SPOCD1: variants seen among roughly 807,000 people sequenced by gnomAD.
The protein encoded by SPOCD1 is SPOC domain containing 1, also known as SPOC domain-containing protein 1.
In SPOCD1, 64 loss-of-function variants were observed where a neutral mutation model predicts 92.2. That is an observed-to-expected ratio of 0.69 (90% CI 0.57 to 0.86). The LOEUF is 0.86. Among genes scored for constraint, SPOCD1 ranks in the 40% least tolerant of loss-of-function variants. SPOCD1 has a pLI of 0.00. For synonymous variants in SPOCD1, 578 were observed against 619.3 expected (o/e 0.93, Z 0.99); for missense variants, 1,360 against 1,543.1 (o/e 0.88, Z 1.99).
In SPOCD1 at chr1:31,794,254, AG is replaced by A; in HGVS notation, c.2272-20del. On this transcript the variant is annotated intron_variant, in intron 10 of 15. Coordinates refer to ENST00000360482, the MANE Select transcript of SPOCD1 (RefSeq NM_144569.7). Reference sequence around the variant, plus strand: ...GCGGTCCCTGGGAGGCAGAAGACAGAGGGGCAGGCTGAAAACGTGGCTGGGG... The same window carrying A: ...GCGGTCCCTGGGAGGCAGAAGACAGAGGGCAGGCTGAAAACGTGGCTGGGG... The A allele has an allele frequency of 6.3e-7, 1 of 1,593,618 alleles. No homozygotes were observed. Among genetic ancestry groups the A allele is most frequent in the Non-Finnish European group, 8.6e-7 (1 of 1,164,436 alleles).
chr1:31,792,053 C>G (rs1647631879), intron 15 of SPOCD1, 162 bp downstream of exon 15: 1 of 734,562 alleles, frequency 1.4e-6, no homozygotes, highest in Admixed American at 2.9e-5. Flanking sequence ...TTCATGATAT[C>G]CAAGCGTGAG....
chr1:31,796,107 G>T (rs776557044), intron 10 of SPOCD1: 171 of 246,984 alleles, frequency 6.9e-4, no homozygotes, highest in Non-Finnish European at 1.2e-3. Flanking sequence ...ACTCCCGTTG[G>T]CTTCCCAGGT....
In SPOCD1 at chr1:31,790,882, A is replaced by G; in HGVS notation, c.3372T>C (p.Tyr1124=). 1 of 1,581,948 alleles carries G rather than the reference A, an allele frequency of 6.3e-7. No individual in the cohort carries two copies. Among genetic ancestry groups the G allele is most frequent in the Non-Finnish European group, 8.6e-7 (1 of 1,164,480 alleles). The change falls in exon 16 of 16, where the codon TAT becomes TAC. Residue 1124 remains tyrosine, a synonymous_variant. Coordinates refer to ENST00000360482, the MANE Select transcript of SPOCD1 (RefSeq NM_144569.7). ...AGCCATGACCAGCTGGTGCTACTGA[A>G]TAGGGATGCTGGGACTGGCGCAAGC... ...EPGLRQSQHP[Y]SVAPAGHGFG... is the part of the protein sequence containing the mutation.
Position 31,792,261 on chromosome 1 carries a change from A to G in SPOCD1, c.2916T>C (p.Pro972=), listed in dbSNP as rs910137441. ...EHMGMVLLPL[P]AFQPLPTRLR... is the part of the protein sequence containing the mutation. Reference sequence around the variant, plus strand: ...GCCTGGTGGGCAGGGGCTGGAAGGCAGGCAGGGGCAGCAGGACCATCCCCA... The same window carrying G: ...GCCTGGTGGGCAGGGGCTGGAAGGCGGGCAGGGGCAGCAGGACCATCCCCA... Residue 972 remains proline (P), a synonymous_variant, in exon 15 of 16, where the codon CCT becomes CCC. Coordinates refer to ENST00000360482, the MANE Select transcript of SPOCD1 (RefSeq NM_144569.7). The G allele has an allele frequency of 6.2e-7, 1 of 1,612,688 alleles. No individual in the cohort carries two copies. The highest frequency in any genetic ancestry group is 1.7e-5 in the Admixed American group (1 of 59,826).
chr1:31,799,519 T>C, intron 6 of SPOCD1, 34 bp from the exon 7 acceptor site: 2 of 1,572,826 alleles, frequency 1.3e-6, no homozygotes, highest in Non-Finnish European at 1.7e-6. Flanking sequence ...CTCCCAGGGG[T>C]GCCCAGGGGA....
chr1:31,801,704 T>C lies in SPOCD1; in HGVS notation c.1385A>G (p.Glu462Gly), dbSNP rs1464548448. 6 of 1,613,470 alleles carry C rather than the reference T, an allele frequency of 3.7e-6. No individual in the cohort carries two copies. Among genetic ancestry groups the C allele is most frequent in the Non-Finnish European group, 5.1e-6 (6 of 1,179,638 alleles). ...CACTCCATGGGGTATTTTCACTTCC[T>C]CCTTGGAGAGAAAGAGGATGCAGAG... ...EPSPGGCPRL[E>G]EVKIPHGVKL... is the part of the protein sequence containing the mutation. The change falls in exon 3 of 16, where the codon GAG becomes GGG. Residue 462 changes from glutamate to glycine, a missense_variant and splice_region_variant. Glu to Gly is a moderately conservative substitution (Grantham distance 98). Coordinates refer to ENST00000360482, the MANE Select transcript of SPOCD1 (RefSeq NM_144569.7).
Position 31,796,665 on chromosome 1 carries a change from G to A in SPOCD1, c.2196C>T (p.Ala732=). The A allele has an allele frequency of 6.2e-7, 1 of 1,614,244 alleles. No individual in the cohort carries two copies. The highest frequency in any genetic ancestry group is 8.5e-7 in the Non-Finnish European group (1 of 1,180,054). ...QQQKEPCRLP[A]SKMTHKGEVE... is the part of the protein sequence containing the mutation. ...CTTCGCCCTTGTGGGTCATTTTGGA[G>A]GCTGGAAGTCTGCACGGCTCCTTCT... Residue 732 remains alanine (A), a synonymous_variant, in exon 10 of 16, where the codon GCC becomes GCT. Coordinates refer to ENST00000360482, the MANE Select transcript of SPOCD1 (RefSeq NM_144569.7).
intron 14 of SPOCD1, 119 bp downstream of exon 14, chr1:31,792,559 C>T (rs1465903935): frequency 2.7e-6 from 3 of 1,125,648 alleles, no homozygotes; most frequent in African/African-American, 3.1e-5. Flanking sequence ...CACAGTGAGT[C>T]TGCAGTCACT....
intron 2 of SPOCD1, among the ~76,000 whole-genome samples, chr1:31,813,289 T>C (rs1389736483): frequency 6.6e-6 from 1 of 152,218 alleles, no homozygotes; most frequent in African/African-American, 2.4e-5. Flanking sequence ...TTGTTTGTTT[T>C]AGACAGTCTT....
In SPOCD1 at chr1:31,792,306, C is replaced by T. The variant is rs780387600; in HGVS notation, c.2871G>A (p.Gly957=). The T allele has an allele frequency of 6.2e-7, 1 of 1,613,896 alleles. No individual in the cohort carries two copies. The highest frequency in any genetic ancestry group is 8.5e-7 in the Non-Finnish European group (1 of 1,179,968). ...TCCCCATGTGCTCCACAGAGGCCAG[C>T]CCGTGGCGCTGCCTATCATTGAGGT... ...YSYLNDRQRH[G]LASVEHMGMV... The change falls in exon 15 of 16, where the codon GGG becomes GGA. Residue 957 remains glycine (G), a synonymous_variant. Transcript: ENST00000360482.
At chr1:31,800,397 G>A in intron 4 of SPOCD1, 44 bp downstream of exon 4, 6 of 1,506,546 alleles carry the variant, frequency 4.0e-6, no homozygotes, top group Non-Finnish European at 5.4e-6. Flanking sequence ...CAGGTGTGAA[G>A]GTGCCTCTCT....
Position 31,799,421 on chromosome 1 carries a change from C to T in SPOCD1, c.1848G>A (p.Met616Ile). ...CTCACCGAGTCCATAGTACCTCCTG[C>T]ATGGAACGGACAACAGTGCCCCGCA... ...IGVRGTVVRS[M>I]QEVLWTRLRE... Residue 616 changes from methionine (M) to isoleucine (I), a missense_variant, in exon 7 of 16, where the codon ATG becomes ATA. Around this residue, in one of 3 missense-constraint regions of SPOCD1, gnomAD observed 606 missense variants for 601.5 expected, o/e 1.01. Transcript: ENST00000360482. The T allele has an allele frequency of 6.2e-7, 1 of 1,610,800 alleles. No homozygotes were observed. The highest frequency in any genetic ancestry group is 1.7e-5 in the Admixed American group (1 of 59,598).
chr1:31,811,393 G>C (rs1380303272), intron 2 of SPOCD1, among the ~76,000 whole-genome samples: 1 of 151,904 alleles, frequency 6.6e-6, no homozygotes, highest in African/African-American at 2.4e-5. Flanking sequence ...AGGAGGCAAA[G>C]GTTGTGGTGA....
chr1:31,809,725 G>A (rs1026501289), intron 2 of SPOCD1, among the ~76,000 whole-genome samples: 1 of 152,142 alleles, frequency 6.6e-6, no homozygotes, highest in African/African-American at 2.4e-5. Context: ...TCATGGTGTT[G>A]GGGCAACGAT....
Position 31,790,859 on chromosome 1 carries a change from C to A in SPOCD1, c.3395G>T (p.Gly1132Val). ...HPYSVAPAGH[G>V]FGRGQHFHRD... ...GTGGAAGTGCTGGCCACGGCCAAAG[C>A]CATGACCAGCTGGTGCTACTGAATA... Residue 1132 changes from glycine (G) to valine (V), a missense_variant, in exon 16 of 16, where the codon GGC (glycine) becomes GTC (valine). Transcript: ENST00000360482. 1 of 1,562,690 alleles carries A rather than the reference C, an allele frequency of 6.4e-7. No individual in the cohort carries two copies. The highest frequency in any genetic ancestry group is 8.7e-7 in the Non-Finnish European group (1 of 1,154,438).
chr1:31,793,151 AG>A, intron 13 of SPOCD1, 126 bp downstream of exon 13: 1 of 1,218,858 alleles, frequency 8.2e-7, no homozygotes, highest in South Asian at 1.5e-5. Context: ...TGCCCTGCAC[AG>A]GGCCAGGCAC....
rs536096804 is a variant in SPOCD1 at position 31,811,240 on chromosome 1, C to T, written c.1383+2711G>A. On this transcript the variant is annotated intron_variant, in intron 2 of 15. Coordinates refer to ENST00000360482, the MANE Select transcript of SPOCD1 (RefSeq NM_144569.7). ...TAATCCCAGCACTTTGGAAGGCCGA[C>T]GCAGCGGATCACCTGAGGTCAGGAG... 5.2e-4 allele frequency among the ~76,000 whole-genome samples: 79 copies of T among 152,228 alleles called. 2 individuals carry two copies. Among genetic ancestry groups the T allele is most frequent in the African/African-American group, 1.7e-3 (72 of 41,540 alleles).
Position 31,799,855 on chromosome 1 carries a change from T to C in SPOCD1, c.1737A>G (p.Pro579=), listed in dbSNP as rs1648313088. 1.2e-6 allele frequency: 2 copies of C among 1,614,002 alleles called. No individual in the cohort carries two copies. The highest frequency in any genetic ancestry group is 2.7e-5 in the African/African-American group (2 of 74,934). ...GAAGAGAATCCTCTTCAGCCTCCAT[T>C]GGGCCACTCTGTAGGGGAGGCGTGA... is the stretch of plus-strand genomic sequence containing the variant. ...SSDPACSQSG[P]MEAEEDSLPE... is the part of the protein sequence containing the mutation. Residue 579 remains proline (P), a synonymous_variant, in exon 6 of 16, where the codon CCA becomes CCG. Transcript: ENST00000360482.
At chr1:31,812,659 A>G (rs545887167) in intron 2 of SPOCD1, among the ~76,000 whole-genome samples, 1 of 152,236 alleles carries the variant, frequency 6.6e-6, no homozygotes, top group Non-Finnish European at 1.5e-5. Flanking sequence ...ATGTCAATAG[A>G]GTCTACCTCA....
Sources: gnomAD v4.1 joint callset for allele counts (sites outside exome capture counted in the v4.1 genomes callset) on GRCh38, gnomAD v4.1.1 for gene constraint, gnomAD v4.1.1 regional missense constraint, MANE v1.5 for transcripts, NCBI Gene and HGNC (gene_info 2026-07-23, HGNC 2026-07-21) for gene names.